Variants in KLF8 observed in about 807,000 individuals in gnomAD.
KLF8 encodes the protein KLF transcription factor 8, also known as Krueppel-like factor 8.
In KLF8, 10 loss-of-function variants were observed where a neutral mutation model predicts 18.2. The ratio of observed to expected loss-of-function variants is 0.55; its 90% CI spans 0.34 to 0.93. The LOEUF is 0.93. Among genes scored for constraint, KLF8 ranks in the 40% least tolerant of loss-of-function variants. KLF8 has a pLI of 0.02. For missense variants in KLF8, 264 were observed against 277.9 expected (o/e 0.95, Z 0.36); for synonymous variants, 109 against 97.3 (o/e 1.12, Z -0.71).
At chrX:56,136,852 T>C in the KLF8 span, among the ~76,000 whole-genome samples, 1 of 110,020 alleles carries the variant, frequency 9.1e-6, no homozygotes, top group South Asian at 4.0e-4. Flanking sequence ...CGCAACCTAC[T>C]CATCCGTCAA....
At chrX:56,208,997 A>G in the KLF8 span, among the ~76,000 whole-genome samples, 1 of 111,988 alleles carries the variant, frequency 8.9e-6, no homozygotes, top group Non-Finnish European at 1.9e-5. Context: ...AGTGCAGATT[A>G]AGTCTGCTGT....
chrX:55,961,231 T>C, the KLF8 span: 1 of 305,590 alleles, frequency 3.3e-6, no homozygotes, highest in Non-Finnish European at 6.0e-6. Context: ...ACTCCAGCCA[T>C]GTCCTCTCCA....
At chrX:55,939,295 A>C in the KLF8 span, among the ~76,000 whole-genome samples, 1 of 112,068 alleles carries the variant, frequency 8.9e-6, no homozygotes, top group Non-Finnish European at 1.9e-5. Context: ...TAACGAAATG[A>C]AGGCAGAAAT....
At chrX:56,123,271 A>AAAAGAAAGAAAGAAAGAAAGAAAGAAAG in the KLF8 span, among the ~76,000 whole-genome samples, 160 of 91,301 alleles carry the variant, frequency 1.8e-3, no homozygotes, top group African/African-American at 7.9e-3. Context: ...GAAAGAAAGA[A>AAAAGAAAGAAAGAAAGAAAGAAAGAAAG]AAAGAAAGAA....
the KLF8 span, among the ~76,000 whole-genome samples, chrX:56,176,059 A>T: frequency 2.7e-5 from 3 of 111,552 alleles, no homozygotes; most frequent in Admixed American, 9.6e-5. Context: ...CCATTTTGCC[A>T]CTTGGTGTCT....
At chrX:55,939,412 T>C in the KLF8 span, among the ~76,000 whole-genome samples, 2 of 110,497 alleles carry the variant, frequency 1.8e-5, no homozygotes, top group African/African-American at 3.3e-5. Context: ...TAAATGCCCA[T>C]AAGAGAAAAC....
chrX:56,095,567 T>C, the KLF8 span, among the ~76,000 whole-genome samples: 50 of 111,478 alleles, frequency 4.5e-4, no homozygotes, highest in African/African-American at 1.6e-3. Context: ...AGCAAAGGGC[T>C]AATATCTAGA....
the KLF8 span, among the ~76,000 whole-genome samples, chrX:56,052,770 C>T: frequency 8.9e-6 from 1 of 111,993 alleles, no homozygotes; most frequent in Non-Finnish European, 1.9e-5. Context: ...GGCAGGCAGG[C>T]CTCCTTGAGC....
At chrX:55,968,716 T>C in the KLF8 span, among the ~76,000 whole-genome samples, 5 of 111,918 alleles carry the variant, frequency 4.5e-5, no homozygotes, top group African/African-American at 6.5e-5. Flanking sequence ...ATGTAAGATG[T>C]TGTGTGCTTC....
At chrX:56,261,910 G>A (rs1349588395) in intron 2 of KLF8, among the ~76,000 whole-genome samples, 1 of 111,861 alleles carries the variant, frequency 8.9e-6, no homozygotes, top group Non-Finnish European at 1.9e-5. Flanking sequence ...ACCTACTTTT[G>A]AGAACAGTCT....
the KLF8 span, among the ~76,000 whole-genome samples, chrX:56,159,101 T>G: frequency 1.8e-5 from 2 of 112,240 alleles, no homozygotes; most frequent in South Asian, 7.5e-4. Context: ...CATGAAGCGT[T>G]GTTGAATTTT....
At chrX:55,987,628 C>T in the KLF8 span, among the ~76,000 whole-genome samples, 1 of 111,998 alleles carries the variant, frequency 8.9e-6, no homozygotes, top group Admixed American at 9.4e-5. Flanking sequence ...GGATCCAAGG[C>T]TTTGCTATTG....
intron 5 of KLF8, among the ~76,000 whole-genome samples, chrX:56,276,019 C>A (rs1487568574): frequency 1.8e-5 from 2 of 111,678 alleles, no homozygotes; most frequent in Admixed American, 9.5e-5. Flanking sequence ...GTATTTCTTC[C>A]TGTTCTATTT....
At chrX:55,934,475 G>T in the KLF8 span, among the ~76,000 whole-genome samples, 1 of 112,064 alleles carries the variant, frequency 8.9e-6, no homozygotes, top group African/African-American at 3.2e-5. Flanking sequence ...GAGAAGACCT[G>T]CCCCTCTTTC....
upstream of KLF8, among the ~76,000 whole-genome samples, chrX:56,231,195 G>A (rs775186205): frequency 9.1e-4 from 102 of 111,518 alleles, no homozygotes; most frequent in Non-Finnish European, 1.7e-3. Flanking sequence ...TGCTGCCTTG[G>A]ATGTATGGTG....
chrX:55,942,579 C>T, the KLF8 span, among the ~76,000 whole-genome samples: 2 of 111,307 alleles, frequency 1.8e-5, no homozygotes, highest in African/African-American at 3.3e-5. Flanking sequence ...ATAATTGCAG[C>T]TTATGGTCAC....
the KLF8 span, among the ~76,000 whole-genome samples, chrX:56,187,256 T>C: frequency 9.0e-6 from 1 of 111,457 alleles, no homozygotes; most frequent in African/African-American, 3.3e-5. Context: ...TCTACGCAAA[T>C]AAACTAGAAA....
the KLF8 span, among the ~76,000 whole-genome samples, chrX:56,070,805 G>C: frequency 8.9e-6 from 1 of 112,572 alleles, no homozygotes; most frequent in African/African-American, 3.2e-5. Context: ...AAGAACATGT[G>C]GTGGTTTTTA....
chrX:56,195,388 G>T, the KLF8 span, among the ~76,000 whole-genome samples: 1 of 112,149 alleles, frequency 8.9e-6, no homozygotes, highest in Non-Finnish European at 1.9e-5. Context: ...GAAGACCGTA[G>T]ATGACCTAAT....
Sources: allele counts gnomAD v4.1 joint callset (sites outside exome capture counted in the v4.1 genomes callset), GRCh38; gene constraint gnomAD v4.1.1; transcripts MANE v1.5; gene names NCBI Gene and HGNC (gene_info 2026-07-23, HGNC 2026-07-21).